PCDHA3: variants seen among roughly 807,000 people sequenced by gnomAD.
The protein encoded by PCDHA3 is protocadherin alpha-3.
A neutral mutation model predicts 62.2 loss-of-function variants in PCDHA3; 41 were observed. The observed-to-expected ratio is 0.66, with a 90% CI of 0.51 to 0.86. The LOEUF (loss-of-function observed/expected upper bound fraction) is 0.86, where lower values mean the gene tolerates loss of function less well. Among genes scored for constraint, PCDHA3 ranks in the 40% least tolerant of loss-of-function variants. PCDHA3 has a pLI of 0.00. For missense variants in PCDHA3, 1,304 were observed against 1,241.2 expected (o/e 1.05, Z -0.76); for synonymous variants, 640 against 555.4 (o/e 1.15, Z -2.14).
chr5:140,985,792 T>G (rs1043772430), intron 3 of PCDHA3, among the ~76,000 whole-genome samples: 1 of 142,326 alleles, frequency 7.0e-6, no homozygotes. Flanking sequence ...CAGGCTGGAG[T>G]GCAGTGGCAC....
intron 1 of PCDHA3, chr5:140,858,292 C>T (rs1554151391): frequency 6.3e-7 from 1 of 1,597,508 alleles, no homozygotes; most frequent in East Asian, 2.2e-5. Context: ...GCTGGTCTTA[C>T]TCGCAGCAGA....
At chr5:140,852,307 G>A (rs2042297271) in intron 1 of PCDHA3, 5 of 377,800 alleles carry the variant, frequency 1.3e-5, no homozygotes, top group African/African-American at 2.2e-5. Context: ...AGACGGAGTC[G>A]TTTTCTGCCA....
rs1238256859 is a variant in PCDHA3, at chr5:141,010,204, C to T, written c.*267C>T. 6.4e-7 allele frequency: 1 copy of T among 1,551,970 alleles called. No homozygotes were observed. On this transcript the variant is annotated 3_prime_UTR_variant, in exon 4 of 4. Transcript: ENST00000522353. The stretch of plus-strand genomic sequence containing the variant: ...GACCCAAGTTTCCTTTCTCCTCCGC[C>T]GCAAAGGAGAGGCTTCCCAGCCCCG...
chr5:140,895,614 A>T (rs185386474), intron 1 of PCDHA3, among the ~76,000 whole-genome samples: 101 of 152,212 alleles, frequency 6.6e-4, no homozygotes, highest in African/African-American at 2.4e-3. Context: ...TTTCTCATTG[A>T]GGGTGTTGTC....
intron 1 of PCDHA3, among the ~76,000 whole-genome samples, chr5:140,844,046 T>C (rs1373355795): frequency 1.1e-4 from 17 of 149,680 alleles, no homozygotes; most frequent in African/African-American, 3.9e-4. Flanking sequence ...GTGAAAGTAT[T>C]CCCCCAAAGC....
At chr5:141,003,616 G>A (rs1360535833) in intron 3 of PCDHA3, among the ~76,000 whole-genome samples, 1 of 152,132 alleles carries the variant, frequency 6.6e-6, no homozygotes, top group African/African-American at 2.4e-5. Flanking sequence ...CCCGGCCCCA[G>A]AGGGCAGTTT....
At chr5:140,853,910 T>G (rs2042903621) in intron 1 of PCDHA3, 1 of 948,962 alleles carries the variant, frequency 1.1e-6, no homozygotes, top group Non-Finnish European at 1.3e-6. Context: ...GCCTGACACC[T>G]GCAATCCCAA....
intron 1 of PCDHA3, chr5:140,807,808 G>T (rs992908265): frequency 9.9e-6 from 16 of 1,614,150 alleles, no homozygotes; most frequent in Non-Finnish European, 1.3e-5. Flanking sequence ...AAGCTCCGGA[G>T]ATTTTTTTAG....
chr5:140,836,877 C>T (rs937347859), intron 1 of PCDHA3: 1 of 682,570 alleles, frequency 1.5e-6, no homozygotes, highest in Non-Finnish European at 2.3e-6. Context: ...GCTGTATTTG[C>T]ACTAATTATT....
intron 1 of PCDHA3, chr5:140,813,054 C>T (rs1554126104): frequency 6.6e-6 from 1 of 152,090 alleles, no homozygotes; most frequent in Non-Finnish European, 1.5e-5. Context: ...GTTTTGTGAC[C>T]TGACGTGTGA....
chr5:140,915,363 G>C (rs1554196864), intron 1 of PCDHA3, among the ~76,000 whole-genome samples: 1 of 152,136 alleles, frequency 6.6e-6, no homozygotes, highest in Non-Finnish European at 1.5e-5. Context: ...ATTCTTACCA[G>C]TAAGTGTCTC....
rs1554262965 is a variant in PCDHA3 at position 141,010,497 on chromosome 5, T to A, written c.*560T>A. Reference sequence around the variant, plus strand: ...AAGTGTAAACTTAAAGGGACCAGACTTTCTAAATCTTACAACTCAAGAGGT... The same window carrying A: ...AAGTGTAAACTTAAAGGGACCAGACATTCTAAATCTTACAACTCAAGAGGT... On this transcript the variant is annotated 3_prime_UTR_variant, in exon 4 of 4. Coordinates refer to ENST00000522353, the MANE Select transcript of PCDHA3 (RefSeq NM_018906.3). The A allele has an allele frequency of 1.7e-6, 1 of 584,358 alleles. No homozygotes were observed. Among genetic ancestry groups the A allele is most frequent in the African/African-American group, 1.9e-5 (1 of 53,100 alleles). 36.2% of individuals were successfully genotyped at this position (584,358 alleles called of 1,614,324 possible).
At chr5:140,815,065 G>A (rs1000683803) in intron 1 of PCDHA3, 1 of 151,794 alleles carries the variant, frequency 6.6e-6, no homozygotes, top group African/African-American at 2.4e-5. Flanking sequence ...TAACTTTCAG[G>A]CTATCCAGGT....
At chr5:140,967,820 C>A (rs1162525542) in intron 1 of PCDHA3, 29 of 1,614,052 alleles carry the variant, frequency 1.8e-5, no homozygotes, top group Non-Finnish European at 2.5e-5. Context: ...CTGCAAGGTG[C>A]TGGTGGACAT....
chr5:140,941,245 TTCTTTCTTTC>T (rs1379125224), intron 1 of PCDHA3, among the ~76,000 whole-genome samples: 44 of 140,720 alleles, frequency 3.1e-4, no homozygotes, highest in Middle Eastern at 3.3e-3. Context: ...CTTTCTTTCT[TTCTTTCTTTC>T]TCTTTCTTTC....
At chr5:140,870,715 G>C in intron 1 of PCDHA3, 1 of 1,613,128 alleles carries the variant, frequency 6.2e-7, no homozygotes, top group Non-Finnish European at 8.5e-7. Context: ...GAGCGCGCGC[G>C]ATGCGGGCGT....
chr5:140,945,000 G>A (rs980802301), intron 1 of PCDHA3, among the ~76,000 whole-genome samples: 3 of 151,862 alleles, frequency 2.0e-5, no homozygotes, highest in African/African-American at 7.3e-5. Context: ...AACGGTTGTG[G>A]GTCATGAATT....
chr5:140,804,813 T>C (rs994546744), intron 1 of PCDHA3: 3 of 321,794 alleles, frequency 9.3e-6, no homozygotes, highest in Non-Finnish European at 1.7e-5. Context: ...AGTAACCAAC[T>C]GAAACCTGGT....
At chr5:140,838,432 A>G (rs1426566624) in intron 1 of PCDHA3, among the ~76,000 whole-genome samples, 2 of 151,466 alleles carry the variant, frequency 1.3e-5, no homozygotes, top group African/African-American at 4.9e-5. Flanking sequence ...CCTAAATTAT[A>G]TATTGGGTTT....
Sources: gnomAD v4.1 joint callset for allele counts (sites outside exome capture counted in the v4.1 genomes callset) on GRCh38, gnomAD v4.1.1 for gene constraint, MANE v1.5 for transcripts, NCBI Gene and HGNC (gene_info 2026-07-23, HGNC 2026-07-21) for gene names.